The following UBE2L6 variants were observed in gnomAD, a reference collection of about 807,000 sequenced individuals.
UBE2L6 encodes the protein ubiquitin/ISG15-conjugating enzyme E2 L6.
UBE2L6 carries 11 observed loss-of-function variants against 13.6 expected under a neutral mutation model. That is an observed-to-expected ratio of 0.81 (90% CI 0.51 to 1.34). The LOEUF (loss-of-function observed/expected upper bound fraction) is 1.34. Among genes scored for constraint, UBE2L6 ranks in the 40% most tolerant of loss-of-function variants. The pLI is 0.00. For missense variants in UBE2L6, 197 were observed against 199.5 expected (o/e 0.99, Z 0.07); for synonymous variants, 74 against 83.2 (o/e 0.89, Z 0.60).
At chr11:57,558,270 G>C (rs930857977) in intron 2 of UBE2L6, among the ~76,000 whole-genome samples, 3 of 152,010 alleles carry the variant, frequency 2.0e-5, no homozygotes, top group Non-Finnish European at 2.9e-5. Context: ...CTAGAGACAG[G>C]GTTTCACCAT....
In UBE2L6 at chr11:57,566,959, CTCCT is replaced by C. The variant is rs386753841; in HGVS notation, c.27+622_27+625del. ...TTCATCTCTGCCCGCCCCCCCCCCC[CTCCT>C]AGAACAGGGCCAGCACATGTAGGCA... On this transcript the variant is annotated intron_variant, in intron 1 of 3. Coordinates refer to ENST00000287156, the MANE Select transcript of UBE2L6 (RefSeq NM_004223.5). The C allele has an allele frequency of 5.8e-3, 1,742 of 300,096 alleles. 53 individuals are homozygous for C. Among genetic ancestry groups the C allele is most frequent in the African/African-American group, 0.043 (1,591 of 36,978 alleles). The allele number at this position is 300,096 out of a possible 1,614,324, so 18.6% of individuals were successfully genotyped here.
At chr11:57,561,330 A>T (rs1055966796) in intron 1 of UBE2L6, among the ~76,000 whole-genome samples, 9 of 152,132 alleles carry the variant, frequency 5.9e-5, no homozygotes, top group African/African-American at 2.2e-4. Flanking sequence ...TGGCCCAAAC[A>T]CCTGAATATC....
rs903115360 is a variant in UBE2L6 at position 57,567,619 on chromosome 11, C to T, written c.-8G>A. On this transcript the variant is annotated 5_prime_UTR_variant, in exon 1 of 4. Coordinates refer to ENST00000287156, the MANE Select transcript of UBE2L6 (RefSeq NM_004223.5). ...TCGCATGCTCGCCATCATGTCGGGA[C>T]CGAGTGTGTGGCACCCGTGGCCTCC... 2 of 1,607,464 alleles carry T rather than the reference C, an allele frequency of 1.2e-6. No homozygotes were observed. The highest frequency in any genetic ancestry group is 1.1e-5 in the South Asian group (1 of 89,146).
At position 57,567,656 on chromosome 11, in the gene UBE2L6, G is replaced by C; in HGVS notation, c.-45C>G. On this transcript the variant is annotated 5_prime_UTR_variant, in exon 1 of 4. Transcript: ENST00000287156. ...CACCCGTGGCCTCCAGCAGGACCGAGCTCCGACCCGCGACACAGCGCGCCC... is the reference window on the plus strand; with the variant it reads ...CACCCGTGGCCTCCAGCAGGACCGACCTCCGACCCGCGACACAGCGCGCCC... The C allele has an allele frequency of 1.3e-6, 2 of 1,583,332 alleles. No homozygotes were observed. Among genetic ancestry groups the C allele is most frequent in the Non-Finnish European group, 1.7e-6 (2 of 1,164,494 alleles).
intron 3 of UBE2L6, among the ~76,000 whole-genome samples, chr11:57,553,167 C>G (rs1200121560): frequency 6.6e-6 from 1 of 152,230 alleles, no homozygotes; most frequent in Non-Finnish European, 1.5e-5. Flanking sequence ...AATATGGTAG[C>G]CATTAGCCAC....
intron 1 of UBE2L6, among the ~76,000 whole-genome samples, chr11:57,562,050 C>T (rs1945051917): frequency 6.6e-6 from 1 of 152,204 alleles, no homozygotes; most frequent in African/African-American, 2.4e-5. Context: ...GATAAACATC[C>T]TAACAAAGAA....
chr11:57,563,255 C>T (rs1186332847), intron 1 of UBE2L6, among the ~76,000 whole-genome samples: 2 of 151,626 alleles, frequency 1.3e-5, no homozygotes, highest in Admixed American at 6.6e-5. Flanking sequence ...TTTGGGAGGC[C>T]GAGGCAGTCA....
Position 57,552,228 on chromosome 11 carries a change from A to C in UBE2L6, c.*130T>G. On this transcript the variant is annotated 3_prime_UTR_variant, in exon 4 of 4. Coordinates refer to ENST00000287156, the MANE Select transcript of UBE2L6 (RefSeq NM_004223.5). Reference sequence around the variant, plus strand: ...CTTCCCTCCACCACACACACACACAAACTAATGACTAACAACCTAAGAAGG... The same window carrying C: ...CTTCCCTCCACCACACACACACACACACTAATGACTAACAACCTAAGAAGG... The C allele has an allele frequency of 7.6e-7, 1 of 1,315,064 alleles. No individual in the cohort carries two copies. The highest frequency in any genetic ancestry group is 1.4e-5 in the South Asian group (1 of 74,028). 81.5% of individuals were successfully genotyped at this position (1,315,064 alleles called of 1,614,324 possible).
chr11:57,557,862 G>A (rs1023606529), intron 2 of UBE2L6, among the ~76,000 whole-genome samples: 4 of 152,206 alleles, frequency 2.6e-5, no homozygotes, highest in African/African-American at 9.7e-5. Flanking sequence ...ACTTAACAGA[G>A]GAAGGAGGTA....
chr11:57,559,061 C>G (rs967791556), intron 2 of UBE2L6, among the ~76,000 whole-genome samples: 1 of 151,936 alleles, frequency 6.6e-6, no homozygotes, highest in African/African-American at 2.4e-5. Context: ...ATCACCCCTG[C>G]TTTCATCATC....
intron 2 of UBE2L6, among the ~76,000 whole-genome samples, chr11:57,556,218 C>T (rs1944996123): frequency 6.6e-6 from 1 of 151,514 alleles, no homozygotes; most frequent in Non-Finnish European, 1.5e-5. Context: ...AGGTGCGGTG[C>T]CTCACGTTTG....
chr11:57,562,628 G>A (rs1019947595), intron 1 of UBE2L6, among the ~76,000 whole-genome samples: 1 of 152,206 alleles, frequency 6.6e-6, no homozygotes, highest in Non-Finnish European at 1.5e-5. Flanking sequence ...AGCTCAGCAC[G>A]GAGAGTAAGA....
chr11:57,563,222 G>C (rs1004880217), intron 1 of UBE2L6, among the ~76,000 whole-genome samples: 1 of 152,068 alleles, frequency 6.6e-6, no homozygotes, highest in South Asian at 2.1e-4. Flanking sequence ...GGGTGCAGTG[G>C]CTCATGCCTG....
chr11:57,563,351 A>C (rs1180258770), intron 1 of UBE2L6, among the ~76,000 whole-genome samples: 1 of 151,306 alleles, frequency 6.6e-6, no homozygotes, highest in Non-Finnish European at 1.5e-5. Flanking sequence ...TTAGCTGGGC[A>C]TGGTGGTGCA....
intron 1 of UBE2L6, chr11:57,566,943 G>GGCCGCCC: frequency 1.3e-5 from 1 of 75,880 alleles, no homozygotes. Context: ...GTTCATCTCT[G>GGCCGCCC]CCCGCCCCCC....
chr11:57,566,875 G>T, intron 1 of UBE2L6: 1 of 408,588 alleles, frequency 2.4e-6, no homozygotes, highest in Non-Finnish European at 5.0e-6. Context: ...CATCCTTCCA[G>T]ATCTTATTTC....
chr11:57,565,908 C>T (rs2135283777), intron 1 of UBE2L6, among the ~76,000 whole-genome samples: 1 of 152,152 alleles, frequency 6.6e-6, no homozygotes, highest in South Asian at 2.1e-4. Flanking sequence ...ACCATTTGAA[C>T]TTTCTCTGCC....
Position 57,552,455 on chromosome 11 carries a change from C to A in UBE2L6, c.365G>T (p.Arg122Leu), listed in dbSNP as rs777445955. 6.2e-7 allele frequency: 1 copy of A among 1,614,156 alleles called. No individual in the cohort carries two copies. Among genetic ancestry groups the A allele is most frequent in the South Asian group, 1.1e-5 (1 of 91,084 alleles). The change falls in exon 4 of 4, where the codon CGG (arginine) becomes CTG (leucine). Residue 122 changes from arginine (R) to leucine (L), a missense_variant. Arg to Leu is a moderately radical substitution (Grantham distance 102, BLOSUM62 -2). Coordinates refer to ENST00000287156, the MANE Select transcript of UBE2L6 (RefSeq NM_004223.5). ...TGTCAGCAGGTCAGCGAGGTCCATC[C>A]GCAGGGGCTCCCTGATATTCGGTCT... ...VNRPNIREPL[R>L]MDLADLLTQN...
intron 2 of UBE2L6, among the ~76,000 whole-genome samples, chr11:57,557,503 T>C (rs943950872): frequency 1.3e-5 from 2 of 151,590 alleles, no homozygotes; most frequent in African/African-American, 4.8e-5. Flanking sequence ...CAAGCGATTC[T>C]CCTGCCTCAG....
Sources: gnomAD v4.1 joint callset for allele counts (sites outside exome capture counted in the v4.1 genomes callset) on GRCh38, gnomAD v4.1.1 for gene constraint, MANE v1.5 for transcripts, NCBI Gene and HGNC (gene_info 2026-07-23, HGNC 2026-07-21) for gene names.